Variants in MYRIP observed in about 807,000 individuals in gnomAD.
MYRIP encodes the protein rab effector MyRIP.
A neutral mutation model predicts 98.0 loss-of-function variants in MYRIP; 49 were observed. The observed-to-expected ratio is 0.50, with a 90% CI of 0.40 to 0.63. MYRIP has a LOEUF of 0.63. Ranked by LOEUF, MYRIP falls within the 30% of genes least tolerant of loss-of-function variation. MYRIP has a pLI of 0.00. For missense variants in MYRIP, 1,004 were observed against 1,058.2 expected, an observed-to-expected ratio of 0.95 and a Z score of 0.71; for synonymous variants, 404 against 409.5, an observed-to-expected ratio of 0.99 and a Z score of 0.16.
At chr3:40,128,848 C>T (rs374003383) in intron 3 of MYRIP, among the ~76,000 whole-genome samples, 1 of 152,150 alleles carries the variant, frequency 6.6e-6, no homozygotes, top group Non-Finnish European at 1.5e-5. Context: ...CTTTTACCAA[C>T]AAAGGAATGT....
At chr3:39,880,328 C>T (rs778033010) in intron 1 of MYRIP, among the ~76,000 whole-genome samples, 50 of 152,274 alleles carry the variant, frequency 3.3e-4, no homozygotes, top group Non-Finnish European at 4.6e-4. Context: ...GGCTAATGTA[C>T]GCAATCTAGT....
At chr3:40,252,029 C>A in intron 16 of MYRIP, 30 bp downstream of exon 16, 1 of 1,512,856 alleles carries the variant, frequency 6.6e-7, no homozygotes, top group Non-Finnish European at 9.2e-7. Flanking sequence ...TAATGTTCAA[C>A]GCTTTCACTG....
At chr3:40,242,813 C>A (rs1319725911) in intron 12 of MYRIP, among the ~76,000 whole-genome samples, 1 of 151,836 alleles carries the variant, frequency 6.6e-6, no homozygotes, top group Non-Finnish European at 1.5e-5. Flanking sequence ...AAACTTCAAA[C>A]CTCTCTCTCT....
At chr3:40,136,480 CAG>C (rs1177077589) in intron 3 of MYRIP, among the ~76,000 whole-genome samples, 7 of 152,184 alleles carry the variant, frequency 4.6e-5, no homozygotes, top group African/African-American at 1.7e-4. Context: ...ATCAGTGAGA[CAG>C]AAAGTTAACA....
chr3:39,900,009 C>T (rs1943706958), intron 1 of MYRIP, among the ~76,000 whole-genome samples: 2 of 152,276 alleles, frequency 1.3e-5, no homozygotes, highest in South Asian at 4.1e-4. Context: ...GTAGTAGAGA[C>T]AGGGTTTCAC....
Position 40,162,724 on chromosome 3 carries a change from T to C in MYRIP, c.470-6T>C, listed in dbSNP as rs776327685. Reference sequence around the variant, plus strand: ...TCATTCTCTTCTCCCACCCCTACCCTGCCAGGAGGAAGCCTTTTTGAGTCA... The same window carrying C: ...TCATTCTCTTCTCCCACCCCTACCCCGCCAGGAGGAAGCCTTTTTGAGTCA... On this transcript the variant is annotated splice_polypyrimidine_tract_variant and splice_region_variant and intron_variant, in intron 4 of 16. Coordinates refer to ENST00000302541, the MANE Select transcript of MYRIP (RefSeq NM_015460.4). 1 of 1,613,672 alleles carries C rather than the reference T, an allele frequency of 6.2e-7. No homozygotes were observed. The highest frequency in any genetic ancestry group is 1.1e-5 in the South Asian group (1 of 91,062).
Position 40,225,985 on chromosome 3 carries a change from A to G in MYRIP, c.1906-7874A>G, listed in dbSNP as rs192259410. 5.3e-4 allele frequency among the ~76,000 whole-genome samples: 80 copies of G among 152,228 alleles called. 1 individual carries two copies. The highest frequency in any genetic ancestry group is 1.8e-3 in the African/African-American group (75 of 41,530). On this transcript the variant is annotated intron_variant, in intron 11 of 16. Coordinates refer to ENST00000302541, the MANE Select transcript of MYRIP (RefSeq NM_015460.4). Reference sequence around the variant, plus strand: ...CTGTCCCTAATAGTTCCCCCTAAGGAACATTTGTAAGTCACAGGGCTGAAA... The same window carrying G: ...CTGTCCCTAATAGTTCCCCCTAAGGGACATTTGTAAGTCACAGGGCTGAAA...
rs1387050566 is a variant in MYRIP at position 40,250,274 on chromosome 3, T to C, written c.2315T>C (p.Ile772Thr). 6.2e-7 allele frequency: 1 copy of C among 1,614,190 alleles called. No homozygotes were observed. Among genetic ancestry groups the C allele is most frequent in the Non-Finnish European group, 8.5e-7 (1 of 1,180,006 alleles). The stretch of plus-strand genomic sequence containing the variant: ...GCCCTGACCATTGCAGGATTAAACA[T>C]AGCACCATGTGTGCGCTTCACAAGA... ...ISALTIAGLN[I>T]APCVRFTRRR... The change falls in exon 14 of 17, where the codon ATA (isoleucine) becomes ACA (threonine). Residue 772 changes from isoleucine to threonine, a missense_variant. Ile to Thr is a moderately conservative substitution (Grantham distance 89, BLOSUM62 -1). This residue lies in a region of MYRIP where 108 missense variants were observed against 111.1 expected (regional missense o/e 0.97). Transcript: ENST00000302541.
intron 3 of MYRIP, among the ~76,000 whole-genome samples, chr3:40,075,021 A>G (rs1050641414): frequency 1.3e-5 from 2 of 152,238 alleles, no homozygotes; most frequent in Non-Finnish European, 2.9e-5. Context: ...AGTAGGTTAC[A>G]GGCAAGGAAA....
Position 40,209,899 on chromosome 3 carries a change from G to C in MYRIP, c.1711G>C (p.Asp571His). The change falls in exon 11 of 17, where the codon GAT (aspartate) becomes CAT (histidine). Residue 571 changes from aspartate (D) to histidine (H), a missense_variant. Physicochemically the swap from Asp to His is moderately conservative, Grantham distance 81 (BLOSUM62 -1). Transcript: ENST00000302541. ...SETDISNEAR[D>H]PQTLTDTTEE... ...GACAGACATCAGCAATGAGGCTCGG[G>C]ATCCCCAGACTCTCACAGACACCAC... 6.2e-7 allele frequency: 1 copy of C among 1,613,954 alleles called. No homozygotes were observed. Among genetic ancestry groups the C allele is most frequent in the Non-Finnish European group, 8.5e-7 (1 of 1,179,904 alleles).
intron 1 of MYRIP, among the ~76,000 whole-genome samples, chr3:39,879,622 G>C (rs56162042): frequency 0.25 from 38,259 of 152,056 alleles, 6,125 homozygotes; most frequent in African/African-American, 0.46. Context: ...GGGACATAGT[G>C]TGTACTCATA....
chr3:39,956,248 C>T (rs1226294705), intron 2 of MYRIP, among the ~76,000 whole-genome samples: 1 of 152,188 alleles, frequency 6.6e-6, no homozygotes, highest in African/African-American at 2.4e-5. Flanking sequence ...CCACATTGCA[C>T]TTATTCCAAA....
At chr3:39,958,865 G>A (rs1260374168) in intron 2 of MYRIP, among the ~76,000 whole-genome samples, 2 of 152,278 alleles carry the variant, frequency 1.3e-5, no homozygotes, top group East Asian at 3.9e-4. Context: ...AGTGGGTGAA[G>A]TATATGAACA....
At chr3:39,978,533 A>C (rs1245906886) in intron 2 of MYRIP, among the ~76,000 whole-genome samples, 2 of 152,210 alleles carry the variant, frequency 1.3e-5, no homozygotes, top group Non-Finnish European at 2.9e-5. Context: ...CATTGTAAAA[A>C]TAATTGTGGA....
In MYRIP at chr3:39,877,318, G is replaced by A. The variant is rs568770846; in HGVS notation, c.-30-23469G>A. The stretch of plus-strand genomic sequence containing the variant: ...TCCCGTAGCTCAGAGTAATTTGATC[G>A]TCTGAAGCCTTCTTCTCTCAGCTCG... On this transcript the variant is annotated intron_variant, in intron 1 of 16. Transcript: ENST00000302541. Among the ~76,000 whole-genome samples the A allele has an allele frequency of 6.3e-3, 961 of 152,032 alleles. 3 individuals are homozygous for A. Among genetic ancestry groups the A allele is most frequent in the African/African-American group, 0.02 (827 of 41,456 alleles).
intron 1 of MYRIP, among the ~76,000 whole-genome samples, chr3:39,835,010 G>C (rs1426582095): frequency 6.6e-6 from 1 of 152,048 alleles, no homozygotes; most frequent in Non-Finnish European, 1.5e-5. Context: ...ATTCGTAGAG[G>C]GGACAGTGGG....
intron 2 of MYRIP, among the ~76,000 whole-genome samples, chr3:39,912,463 G>A (rs4574211): frequency 0.44 from 67,089 of 152,050 alleles, 15,058 homozygotes; most frequent in East Asian, 0.54. Context: ...TATCTTAGCT[G>A]CTCCAATCAA....
intron 3 of MYRIP, among the ~76,000 whole-genome samples, chr3:40,130,603 A>G (rs577244735): frequency 6.6e-6 from 1 of 151,610 alleles, no homozygotes; most frequent in African/African-American, 2.4e-5. Context: ...GATGGTCTCA[A>G]TCTCCTGACC....
chr3:40,061,120 A>AGGTTT (rs1559384298), intron 3 of MYRIP, among the ~76,000 whole-genome samples: 1 of 152,164 alleles, frequency 6.6e-6, no homozygotes, highest in Non-Finnish European at 1.5e-5. Flanking sequence ...GTACATGTGA[A>AGGTTT]GGTTTGTTAT....
Sources: allele counts gnomAD v4.1 joint callset (sites outside exome capture counted in the v4.1 genomes callset), GRCh38; gene constraint gnomAD v4.1.1; regional missense constraint gnomAD v4.1.1; transcripts MANE v1.5; gene names NCBI Gene and HGNC (gene_info 2026-07-23, HGNC 2026-07-21).